Variants in NOP58 observed in about 807,000 individuals in gnomAD.
The protein encoded by NOP58 is NOP58 ribonucleoprotein.
In NOP58, 44 loss-of-function variants were observed where a neutral mutation model predicts 71.2. The ratio of observed to expected loss-of-function variants is 0.62; its 90% CI spans 0.49 to 0.79. NOP58 has a LOEUF of 0.79. Ranked by LOEUF, NOP58 falls within the 30% of genes least tolerant of loss-of-function variation. NOP58 has a pLI of 0.00. For synonymous variants in NOP58, 228 were observed against 200.3 expected (o/e 1.14, Z -1.17); for missense variants, 538 against 620.2 (o/e 0.87, Z 1.41).
At chr2:202,280,790 T>C (rs1018728694) in intron 3 of NOP58, among the ~76,000 whole-genome samples, 4 of 147,272 alleles carry the variant, frequency 2.7e-5, no homozygotes, top group African/African-American at 1.1e-4. Flanking sequence ...TTTTTTTTGA[T>C]ACTGATCTTC....
chr2:202,272,975 A>C (rs1167919785), intron 1 of NOP58, among the ~76,000 whole-genome samples: 1 of 152,152 alleles, frequency 6.6e-6, no homozygotes, highest in Admixed American at 6.6e-5. Flanking sequence ...TCTACTAAAA[A>C]TACAAAAAAT....
chr2:202,281,835 A>G (rs925611889), intron 3 of NOP58, among the ~76,000 whole-genome samples: 1 of 152,228 alleles, frequency 6.6e-6, no homozygotes, highest in Admixed American at 6.5e-5. Context: ...GCGGTCTCAA[A>G]ATAGAATAGG....
In NOP58 at chr2:202,288,274, C is replaced by T. The variant is rs199506941; in HGVS notation, c.499+550C>T. ...CTGAGGCGGGAGGATCACCTGAGGTCGGGAATTTGAGACCAGCCTGACCAA... is the reference window on the plus strand; with the variant it reads ...CTGAGGCGGGAGGATCACCTGAGGTTGGGAATTTGAGACCAGCCTGACCAA... On this transcript the variant is annotated intron_variant, in intron 6 of 14. Transcript: ENST00000264279. 1.3e-4 allele frequency among the ~76,000 whole-genome samples: 20 copies of T among 151,888 alleles called. No individual in the cohort carries two copies. The East Asian group carries it at 3.9e-3, about 30-fold the overall frequency.
chr2:202,292,644 C>A, intron 8 of NOP58, 133 bp from the exon 9 acceptor site: 4 of 658,744 alleles, frequency 6.1e-6, no homozygotes, highest in South Asian at 3.9e-5. Context: ...TGATGTTAGG[C>A]ATAGGTGATG....
At position 202,265,771 on chromosome 2, in the gene NOP58, A is replaced by G. The variant is rs1383094879; in HGVS notation, c.-171A>G. ...TAGCGCGTTCGTGCGTCCTAGTTCCAGTACAGCGTGGAGGGTTTAGGCAGC... is the reference window on the plus strand; with the variant it reads ...TAGCGCGTTCGTGCGTCCTAGTTCCGGTACAGCGTGGAGGGTTTAGGCAGC... On this transcript the variant is annotated 5_prime_UTR_variant, in exon 1 of 15. Transcript: ENST00000264279. 3.0e-5 allele frequency: 20 copies of G among 656,374 alleles called. No individual in the cohort carries two copies. Among genetic ancestry groups the G allele is most frequent in the Non-Finnish European group, 4.3e-5 (16 of 375,474 alleles). The allele number at this position is 656,374 out of a possible 1,614,324, so 40.7% of individuals were successfully genotyped here. A position where few individuals can be genotyped will look rare whatever the true frequency, so the allele number is the denominator to read the frequency against.
intron 3 of NOP58, among the ~76,000 whole-genome samples, chr2:202,281,137 CTT>C (rs59956201): frequency 2.8e-5 from 4 of 142,204 alleles, no homozygotes; most frequent in Non-Finnish European, 3.1e-5. Flanking sequence ...TTTTCTTTTT[CTT>C]TTTTTTTTTT....
intron 13 of NOP58, among the ~76,000 whole-genome samples, chr2:202,301,424 C>G (rs570877411): frequency 6.6e-6 from 1 of 152,020 alleles, no homozygotes; most frequent in Non-Finnish European, 1.5e-5. Context: ...ACCTTGTGAT[C>G]CACCCACTCC....
At chr2:202,300,503 C>A in intron 13 of NOP58, 136 bp downstream of exon 13, 1 of 643,932 alleles carries the variant, frequency 1.6e-6, no homozygotes, top group South Asian at 2.2e-5. Context: ...TTTAATAATG[C>A]CATTATGTTC....
At position 202,282,464 on chromosome 2, in the gene NOP58, G is replaced by T. The variant is rs1221427602; in HGVS notation, c.289G>T (p.Val97Phe). 3 of 1,607,378 alleles carry T rather than the reference G, an allele frequency of 1.9e-6. No individual in the cohort carries two copies. Among genetic ancestry groups the T allele is most frequent in the African/African-American group, 1.3e-5 (1 of 74,452 alleles). ...LAVADAKLGG[V>F]IKEKLNLSCI... Reference sequence around the variant, plus strand: ...AGTAGCTGATGCTAAACTAGGAGGGGTCATAAAGGTAAAGTCACGATATTT... The same window carrying T: ...AGTAGCTGATGCTAAACTAGGAGGGTTCATAAAGGTAAAGTCACGATATTT... The change falls in exon 4 of 15, where the codon GTC becomes TTC. Residue 97 changes from valine to phenylalanine, a missense_variant. Transcript: ENST00000264279.
In NOP58 at chr2:202,303,446, A is replaced by G. The variant is rs1689126647; in HGVS notation, c.*10A>G. 2 of 1,607,956 alleles carry G rather than the reference A, an allele frequency of 1.2e-6. No homozygotes were observed. Among genetic ancestry groups the G allele is most frequent in the African/African-American group, 1.3e-5 (1 of 74,808 alleles). ...AGAGAACGAGGATTAACAGAAAGGA[A>G]TTACGATTATATCACCCGGACACAC... On this transcript the variant is annotated 3_prime_UTR_variant, in exon 15 of 15. Transcript: ENST00000264279.
intron 1 of NOP58, among the ~76,000 whole-genome samples, chr2:202,269,584 A>G (rs1002461020): frequency 2.6e-5 from 4 of 152,250 alleles, no homozygotes; most frequent in Non-Finnish European, 5.9e-5. Context: ...TATTATAAAA[A>G]TTCAGCCTGT....
intron 2 of NOP58, chr2:202,276,378 A>G (rs868594688): frequency 2.6e-6 from 1 of 377,364 alleles, no homozygotes; most frequent in Non-Finnish European, 5.6e-6. Context: ...TTAGGCAACT[A>G]GAAGACTAGT....
At chr2:202,287,936 C>T (rs1345747299) in intron 6 of NOP58, among the ~76,000 whole-genome samples, 1 of 151,764 alleles carries the variant, frequency 6.6e-6, no homozygotes, top group Non-Finnish European at 1.5e-5. Flanking sequence ...CATGACAAAA[C>T]TCTGTCTTTA....
chr2:202,291,092 G>T, intron 7 of NOP58, 33 bp from the exon 8 acceptor site: 1 of 1,526,504 alleles, frequency 6.6e-7, no homozygotes, highest in South Asian at 1.3e-5. Context: ...GTTGAAGAGT[G>T]ATTCTCCCTC....
intron 13 of NOP58, among the ~76,000 whole-genome samples, chr2:202,300,593 A>C (rs1240916784): frequency 1.3e-5 from 2 of 152,236 alleles, no homozygotes; most frequent in Admixed American, 1.3e-4. Flanking sequence ...GTATTTTACT[A>C]AGAGTTCCAA....
At chr2:202,292,715 C>A in intron 8 of NOP58, 62 bp from the exon 9 acceptor site, 2 of 1,398,122 alleles carry the variant, frequency 1.4e-6, no homozygotes, top group Non-Finnish European at 2.0e-6. Context: ...GTGTTTTAGA[C>A]AGGAATTTTT....
chr2:202,293,126 C>T (rs780977772), intron 9 of NOP58: 1 of 715,902 alleles, frequency 1.4e-6, no homozygotes, highest in Non-Finnish European at 2.6e-6. Context: ...ACTACCTCTT[C>T]TGAGACACTT....
chr2:202,277,304 CA>C (rs1189696329), intron 2 of NOP58, among the ~76,000 whole-genome samples: 116 of 114,942 alleles, frequency 1.0e-3, no homozygotes, highest in African/African-American at 2.7e-3. Flanking sequence ...GACTCTGTCT[CA>C]AAAAAAAAAA....
chr2:202,267,876 T>G (rs2105834135), intron 1 of NOP58, among the ~76,000 whole-genome samples: 1 of 152,356 alleles, frequency 6.6e-6, no homozygotes, highest in Admixed American at 6.5e-5. Context: ...CCGTTGGAGT[T>G]TGCAGTGCTA....
Sources: gnomAD v4.1 joint callset for allele counts (sites outside exome capture counted in the v4.1 genomes callset) on GRCh38, gnomAD v4.1.1 for gene constraint, MANE v1.5 for transcripts, NCBI Gene and HGNC (gene_info 2026-07-23, HGNC 2026-07-21) for gene names.